Variants in SNX20 observed in about 807,000 individuals in gnomAD.
SNX20 encodes sorting nexin 20, also known as sorting nexin-20.
In SNX20, 21 loss-of-function variants were observed where a neutral mutation model predicts 24.5. The ratio of observed to expected loss-of-function variants is 0.86; its 90% confidence interval spans 0.61 to 1.23. The LOEUF is 1.23. SNX20 is among the 50% of genes most tolerant of loss of function. The probability of loss-of-function intolerance (pLI) is 0.00; values close to 1 mark genes in which losing one functional copy is unlikely to be tolerated. For missense variants in SNX20, 433 were observed against 430.8 expected, an observed-to-expected ratio of 1.00 and a Z score of -0.04; for synonymous variants, 206 against 192.8, an observed-to-expected ratio of 1.07 and a Z score of -0.57.
chr16:50,679,981 C>T (rs896488542), intron 1 of SNX20, among the ~76,000 whole-genome samples: 12 of 152,316 alleles, frequency 7.9e-5, no homozygotes, highest in Admixed American at 5.9e-4. Context: ...CCCTGTAAGA[C>T]CCTAGAAATG....
At chr16:50,674,798 G>A (rs1212386955) in intron 3 of SNX20, among the ~76,000 whole-genome samples, 1 of 152,190 alleles carries the variant, frequency 6.6e-6, no homozygotes, top group Non-Finnish European at 1.5e-5. Flanking sequence ...TGGTGATGCC[G>A]TTATATGGTA....
chr16:50,669,172 G>C (rs2150758083), downstream of SNX20: 1 of 1,031,416 alleles, frequency 9.7e-7, no homozygotes, highest in East Asian at 2.6e-5. Flanking sequence ...TGAGTGAAAT[G>C]ATCTTTAAAG....
At position 50,673,240 on chromosome 16, in the gene SNX20, G is replaced by A; in HGVS notation, c.*166C>T. 1 of 1,185,844 alleles carries A rather than the reference G, an allele frequency of 8.4e-7. No individual in the cohort carries two copies. The highest frequency in any genetic ancestry group is 1.1e-6 in the Non-Finnish European group (1 of 932,336). 73.5% of individuals were successfully genotyped at this position (1,185,844 alleles called of 1,614,324 possible). On this transcript the variant is annotated 3_prime_UTR_variant, in exon 4 of 4. Coordinates refer to ENST00000330943, the MANE Select transcript of SNX20 (RefSeq NM_182854.4). This position sits in a 1 kb window ranked among gnomAD's most constrained non-coding sequence, Gnocchi z 4.1. ...TGCTTGTGCCCAGGAGTTTGAGGCT[G>A]CAGTGAGACATAATTGAGCCACTGC...
In SNX20 at chr16:50,674,137, A is replaced by G. The variant is rs549435328; in HGVS notation, c.283-63T>C. ...GCGGGGGCTGCGGCGGACGGAGCAC[A>G]CCCAGAGTAAAGTTAACCAGGCCGG... On this transcript the variant is annotated intron_variant, in intron 3 of 3. Coordinates refer to ENST00000330943, the MANE Select transcript of SNX20 (RefSeq NM_182854.4). 1.6e-5 allele frequency: 24 copies of G among 1,514,670 alleles called. No individual in the cohort carries two copies. In the African/African-American group the frequency reaches 3.1e-4, roughly 20 times the overall value. 93.8% of individuals were successfully genotyped at this position (1,514,670 alleles called of 1,614,324 possible).
At chr16:50,677,673 C>T in intron 1 of SNX20, 138 bp from the exon 2 acceptor site, 1 of 967,582 alleles carries the variant, frequency 1.0e-6, no homozygotes, top group Non-Finnish European at 1.4e-6. Context: ...CAACCTTCCC[C>T]ACTCTCCCAG....
At chr16:50,676,224 G>T (rs1287066153) in intron 2 of SNX20, among the ~76,000 whole-genome samples, 1 of 151,774 alleles carries the variant, frequency 6.6e-6, no homozygotes, top group Non-Finnish European at 1.5e-5. Context: ...CTGTAGATTG[G>T]CCATGGTGAA....
chr16:50,673,556 C>T lies in SNX20; in HGVS notation c.801G>A (p.Ala267=). The T allele has an allele frequency of 6.2e-7, 1 of 1,605,062 alleles. No individual in the cohort carries two copies. Among genetic ancestry groups the T allele is most frequent in the Non-Finnish European group, 8.5e-7 (1 of 1,178,128 alleles). The change falls in exon 4 of 4, where the codon GCG becomes GCA. Residue 267 remains alanine, a synonymous_variant. Transcript: ENST00000330943. The surrounding 1 kb of genome is among the most constrained non-coding windows in gnomAD (Gnocchi z 4.1). ...LQAREGHRYY[A]PLLDAMVRLA... ...GGCGGACCATGGCGTCCAGCAGAGG[C>T]GCATAGTAGCGATGGCCCTCCCGGG... is the stretch of plus-strand genomic sequence containing the variant.
chr16:50,676,130 G>A (rs1016673540), intron 2 of SNX20, among the ~76,000 whole-genome samples: 3 of 151,850 alleles, frequency 2.0e-5, no homozygotes, highest in South Asian at 2.1e-4. Flanking sequence ...CCCTACCACC[G>A]ACAATCCCAA....
At chr16:50,668,187 G>C, downstream of SNX20, 2 of 1,514,500 alleles carry the variant, frequency 1.3e-6, no homozygotes, top group Admixed American at 4.2e-5. Flanking sequence ...CAAGACCCCA[G>C]ATGGTCTGCA....
intron 1 of SNX20, among the ~76,000 whole-genome samples, chr16:50,678,953 A>T (rs978168530): frequency 6.6e-6 from 1 of 152,248 alleles, no homozygotes; most frequent in Non-Finnish European, 1.5e-5. Flanking sequence ...GTTTCCAGAA[A>T]TATTTGTGAA....
At chr16:50,679,069 A>G (rs897465211) in intron 1 of SNX20, among the ~76,000 whole-genome samples, 11 of 68,670 alleles carry the variant, frequency 1.6e-4, no homozygotes, top group Middle Eastern at 0.013. Flanking sequence ...AGTAGCTGGT[A>G]TACTGACTGG....
chr16:50,680,160 T>C (rs946885208), intron 1 of SNX20, among the ~76,000 whole-genome samples: 1 of 152,118 alleles, frequency 6.6e-6, no homozygotes, highest in Non-Finnish European at 1.5e-5. Flanking sequence ...AGTTGTGCAC[T>C]GGTGTATCCA....
At chr16:50,675,413 T>A (rs1356767368) in intron 3 of SNX20, among the ~76,000 whole-genome samples, 1 of 152,198 alleles carries the variant, frequency 6.6e-6, no homozygotes, top group African/African-American at 2.4e-5. Context: ...TTCATGTTTT[T>A]AAAAAGTGAT....
At chr16:50,668,061 A>G, downstream of SNX20, 1 of 1,551,650 alleles carries the variant, frequency 6.4e-7, no homozygotes, top group Non-Finnish European at 8.7e-7. Flanking sequence ...GAAAGCCAAG[A>G]GTGGGCAATC....
intron 3 of SNX20, among the ~76,000 whole-genome samples, chr16:50,674,965 G>A (rs1017696221): frequency 3.3e-5 from 5 of 152,182 alleles, no homozygotes; most frequent in African/African-American, 1.2e-4. Context: ...TTTTAGATGA[G>A]TAATTTAACC....
chr16:50,673,513 T>C lies in SNX20; in HGVS notation c.844A>G (p.Lys282Glu), dbSNP rs762555491. Residue 282 changes from lysine to glutamate, a missense_variant, in exon 4 of 4, where the codon AAG becomes GAG. By Grantham distance (56) the Lys-to-Glu change is moderately conservative (BLOSUM62 1). Transcript: ENST00000330943. The surrounding 1 kb of genome is among the most constrained non-coding windows in gnomAD (Gnocchi z 4.1). ...CTCTCCTGCAGAGTCACGAAGTCCT[T>C]GCCCAGCGCGTAGGCCAGGCGGACC... Reference protein sequence around the residue: ...AMVRLAYALGKDFVTLQERLE... With the variant: ...AMVRLAYALGEDFVTLQERLE... The C allele has an allele frequency of 6.2e-7, 1 of 1,610,040 alleles. No individual in the cohort carries two copies. The highest frequency in any genetic ancestry group is 1.3e-5 in the African/African-American group (1 of 74,438).
In SNX20 at chr16:50,673,160, G is replaced by C; in HGVS notation, c.*246C>G. 2.1e-6 allele frequency: 1 copy of C among 481,024 alleles called. No individual in the cohort carries two copies. The highest frequency in any genetic ancestry group is 3.2e-6 in the Non-Finnish European group (1 of 309,166). 29.8% of individuals were successfully genotyped at this position (481,024 alleles called of 1,614,324 possible). On this transcript the variant is annotated 3_prime_UTR_variant, in exon 4 of 4. Transcript: ENST00000330943. This position sits in a 1 kb window ranked among gnomAD's most constrained non-coding sequence, Gnocchi z 4.1. Reference sequence around the variant, plus strand: ...TACTAAAAAATTAAAAATTAGCCTGGTGTGGTGGTGTGCACCTGTAATCCC... The same window carrying C: ...TACTAAAAAATTAAAAATTAGCCTGCTGTGGTGGTGTGCACCTGTAATCCC...
intron 1 of SNX20, among the ~76,000 whole-genome samples, chr16:50,680,104 A>T (rs924310144): frequency 6.6e-6 from 1 of 152,208 alleles, no homozygotes. Context: ...TGTCTCTTAC[A>T]GGTTTCATTG....
At chr16:50,667,991 T>G, downstream of SNX20, 1 of 1,550,806 alleles carries the variant, frequency 6.4e-7, no homozygotes, top group South Asian at 1.2e-5. Flanking sequence ...CCCAGAACGC[T>G]CGCTCCATCT....
Sources: gnomAD v4.1 joint callset for allele counts (sites outside exome capture counted in the v4.1 genomes callset) on GRCh38, gnomAD v4.1.1 for gene constraint, Gnocchi (gnomAD v3.1) non-coding constraint, MANE v1.5 for transcripts, NCBI Gene and HGNC (gene_info 2026-07-23, HGNC 2026-07-21) for gene names.